The following EHD4 variants were observed in gnomAD, a reference collection of about 807,000 sequenced individuals.
EHD4 encodes EH domain-containing protein 4.
Under a neutral mutation model 51.0 loss-of-function variants are expected in EHD4, and 37 were observed. The observed-to-expected ratio is 0.73, with a 90% CI of 0.56 to 0.95. The LOEUF is 0.95. Ranked by LOEUF, EHD4 falls within the 40% of genes least tolerant of loss-of-function variation. EHD4 has a pLI of 0.00. For missense variants in EHD4, 632 were observed against 733.1 expected (o/e 0.86, Z 1.59); for synonymous variants, 297 against 317.3 (o/e 0.94, Z 0.68).
chr15:41,945,712 T>A (rs2067807525), intron 2 of EHD4, among the ~76,000 whole-genome samples: 2 of 152,256 alleles, frequency 1.3e-5, no homozygotes, highest in Non-Finnish European at 2.9e-5. Flanking sequence ...GAAGTTATGC[T>A]GGGATCAGAA....
At chr15:41,930,422 G>C (rs1450966600) in intron 3 of EHD4, among the ~76,000 whole-genome samples, 8 of 152,098 alleles carry the variant, frequency 5.3e-5, no homozygotes, top group Admixed American at 1.3e-4. Context: ...ATGTGATGAG[G>C]TCAAACATTT....
chr15:41,930,950 A>G (rs1417289989), intron 3 of EHD4, among the ~76,000 whole-genome samples: 2 of 152,248 alleles, frequency 1.3e-5, no homozygotes, highest in African/African-American at 4.8e-5. Context: ...AAAGATGCTC[A>G]ACCACACTAA....
chr15:41,925,599 C>T (rs2067655702), intron 3 of EHD4, among the ~76,000 whole-genome samples: 2 of 152,198 alleles, frequency 1.3e-5, no homozygotes, highest in South Asian at 4.1e-4. Context: ...AATTTCAATC[C>T]TTTAAGACCT....
chr15:41,929,458 C>A (rs1298867354), intron 3 of EHD4, among the ~76,000 whole-genome samples: 1 of 152,234 alleles, frequency 6.6e-6, no homozygotes, highest in South Asian at 2.1e-4. Flanking sequence ...GCCCACTGAA[C>A]GCTGCTGCTT....
intron 5 of EHD4, among the ~76,000 whole-genome samples, chr15:41,907,425 T>C (rs908031342): frequency 6.6e-6 from 1 of 152,184 alleles, no homozygotes; most frequent in Admixed American, 6.5e-5. Flanking sequence ...AGCCCTCCAA[T>C]ACCACCTGGT....
At chr15:41,924,089 CT>C (rs1800874293) in intron 3 of EHD4, among the ~76,000 whole-genome samples, 1 of 152,204 alleles carries the variant, frequency 6.6e-6, no homozygotes, top group Non-Finnish European at 1.5e-5. Context: ...GGCATTGAGA[CT>C]TTGTTAACTT....
intron 5 of EHD4, 45 bp from the exon 6 acceptor site, chr15:41,901,226 A>G: frequency 6.7e-7 from 1 of 1,501,696 alleles, no homozygotes. Context: ...TGGTCTCTTC[A>G]GGGGGAAACA....
chr15:41,961,183 G>A (rs1355900368), intron 1 of EHD4, among the ~76,000 whole-genome samples: 1 of 152,180 alleles, frequency 6.6e-6, no homozygotes, highest in Non-Finnish European at 1.5e-5. Context: ...TCCAGCTATG[G>A]ATGGGATTTA....
intron 3 of EHD4, among the ~76,000 whole-genome samples, chr15:41,923,323 T>A (rs1048416012): frequency 1.3e-5 from 2 of 152,240 alleles, no homozygotes; most frequent in South Asian, 2.1e-4. Flanking sequence ...CTCTCCCTCC[T>A]CCTAAGGCTG....
chr15:41,942,991 G>A, intron 3 of EHD4, 76 bp downstream of exon 3: 1 of 1,350,676 alleles, frequency 7.4e-7, no homozygotes, highest in East Asian at 2.5e-5. Context: ...AATAATATAG[G>A]GACAGAAATC....
chr15:41,946,337 C>A (rs926617796), intron 2 of EHD4, among the ~76,000 whole-genome samples: 3 of 152,120 alleles, frequency 2.0e-5, no homozygotes, highest in Non-Finnish European at 2.9e-5. Flanking sequence ...ATCCTCTCCA[C>A]GTCTAAGGAA....
intron 3 of EHD4, among the ~76,000 whole-genome samples, chr15:41,936,081 T>G: frequency 6.6e-6 from 1 of 152,210 alleles, no homozygotes; most frequent in East Asian, 1.9e-4. Context: ...GAATGAACAC[T>G]TGTAGAGATT....
intron 1 of EHD4, among the ~76,000 whole-genome samples, chr15:41,954,201 T>C (rs115028759): frequency 6.6e-6 from 1 of 152,158 alleles, no homozygotes; most frequent in African/African-American, 2.4e-5. Flanking sequence ...CTGACCTGCA[T>C]GTGGGGACAC....
intron 5 of EHD4, among the ~76,000 whole-genome samples, chr15:41,904,467 A>G (rs1337837157): frequency 1.3e-5 from 2 of 152,192 alleles, no homozygotes; most frequent in Non-Finnish European, 2.9e-5. Flanking sequence ...TGCCACGGTG[A>G]GTCCAAAACA....
chr15:41,900,789 G>A lies in EHD4; in HGVS notation c.1482C>T (p.Asp494=), dbSNP rs751906666. 6.2e-7 allele frequency: 1 copy of A among 1,614,080 alleles called. No individual in the cohort carries two copies. The highest frequency in any genetic ancestry group is 1.3e-5 in the African/African-American group (1 of 74,934). ...CCTCCTCATCAAGCATGCCGTCGCA[G>A]TCGCAGTCGGCCAGCTTCCAGATCT... The part of the protein sequence containing the change: ...LGKIWKLADC[D]CDGMLDEEEF... The change falls in exon 6 of 6, where the codon GAC becomes GAT. Residue 494 remains aspartate (D), a synonymous_variant. Transcript: ENST00000220325. The surrounding 1 kb of genome is among the most constrained non-coding windows in gnomAD (Gnocchi z 4.8).
In EHD4 at chr15:41,895,979, C is replaced by A. The variant is rs1567240359; in HGVS notation, c.*4666G>T. On this transcript the variant is annotated 3_prime_UTR_variant, in exon 6 of 6. Coordinates refer to ENST00000220325, the MANE Select transcript of EHD4 (RefSeq NM_139265.4). ...ATTATTTATTTATTTATATTTAATT[C>A]TTTTTTAGAGACAGGGTCTTCTTAG... 6.6e-6 allele frequency: 1 copy of A among 151,966 alleles called. No homozygotes were observed. The highest frequency in any genetic ancestry group is 2.4e-5 in the African/African-American group (1 of 41,382). The allele number at this position is 151,966 out of a possible 1,614,324, so 9.4% of individuals were successfully genotyped here.
At chr15:41,943,840 T>C (rs907137064) in intron 2 of EHD4, among the ~76,000 whole-genome samples, 1 of 152,182 alleles carries the variant, frequency 6.6e-6, no homozygotes, top group East Asian at 1.9e-4. Flanking sequence ...GTGTCCCCTA[T>C]GGCTTTAGGG....
At chr15:41,909,886 G>C in intron 4 of EHD4, 23 bp from the exon 5 acceptor site, 1 of 1,613,300 alleles carries the variant, frequency 6.2e-7, no homozygotes, top group Non-Finnish European at 8.5e-7. Context: ...AGATCAGGCA[G>C]GGAAGTGTCA....
Position 41,919,537 on chromosome 15 carries a change from G to C in EHD4, c.597C>G (p.Ile199Met). The C allele has an allele frequency of 2.0e-6, 3 of 1,537,004 alleles. No homozygotes were observed. Among genetic ancestry groups the C allele is most frequent in the Non-Finnish European group, 2.6e-6 (3 of 1,145,068 alleles). ...ILLFDAHKLD[I>M]SDEFSEAIKA... The stretch of plus-strand genomic sequence containing the variant: ...TGATGGCCTCTGAGAATTCATCTGA[G>C]ATGTCCAGCTTGTGAGCGTCAAAGA... Residue 199 changes from isoleucine (I) to methionine (M), a missense_variant, in exon 4 of 6, where the codon ATC becomes ATG. Physicochemically the swap from Ile to Met is conservative, Grantham distance 10 (BLOSUM62 1). Coordinates refer to ENST00000220325, the MANE Select transcript of EHD4 (RefSeq NM_139265.4).
Sources: allele counts gnomAD v4.1 joint callset (sites outside exome capture counted in the v4.1 genomes callset), GRCh38; gene constraint gnomAD v4.1.1; non-coding constraint Gnocchi (gnomAD v3.1); transcripts MANE v1.5; gene names NCBI Gene and HGNC (gene_info 2026-07-23, HGNC 2026-07-21).